Variants in SLC5A10 observed in about 807,000 individuals in gnomAD.
SLC5A10 encodes solute carrier family 5 member 10.
In SLC5A10, 55 loss-of-function variants were observed where a neutral mutation model predicts 68.9. That is an observed-to-expected ratio of 0.80 (90% CI 0.64 to 1.00). The LOEUF (loss-of-function observed/expected upper bound fraction) is 1.00, where lower values mean the gene tolerates loss of function less well. SLC5A10 is among the 50% of genes least tolerant of loss of function. SLC5A10 has a pLI of 0.00. For synonymous variants in SLC5A10, 344 were observed against 344.8 expected, an observed-to-expected ratio of 1.00 and a Z score of 0.02; for missense variants, 732 against 819.3, an observed-to-expected ratio of 0.89 and a Z score of 1.30.
At chr17:18,979,516 C>T (rs1324698241) in intron 9 of SLC5A10, 1 of 1,610,378 alleles carries the variant, frequency 6.2e-7, no homozygotes, top group Admixed American at 1.7e-5. Flanking sequence ...AGAGGTACCT[C>T]TCGCACAACT....
At chr17:18,957,497 C>T (rs1172699616) in intron 1 of SLC5A10, among the ~76,000 whole-genome samples, 3 of 152,132 alleles carry the variant, frequency 2.0e-5, no homozygotes, top group Admixed American at 6.6e-5. Flanking sequence ...TGAGACGGAG[C>T]CTTGCTCTGT....
intron 13 of SLC5A10, 94 bp downstream of exon 13, chr17:19,020,022 G>T: frequency 6.9e-7 from 1 of 1,445,640 alleles, no homozygotes. Context: ...GAATTTTCTA[G>T]CCCTGGACTA....
intron 9 of SLC5A10, among the ~76,000 whole-genome samples, chr17:19,008,914 C>T (rs1322351776): frequency 1.3e-5 from 2 of 151,290 alleles, no homozygotes; most frequent in Non-Finnish European, 2.9e-5. Context: ...CCAGGTTCAG[C>T]GATTCTCGTG....
chr17:18,958,090 A>G (rs764748133), intron 1 of SLC5A10, among the ~76,000 whole-genome samples: 4 of 152,098 alleles, frequency 2.6e-5, no homozygotes, highest in Non-Finnish European at 5.9e-5. Flanking sequence ...GTTTTTTTCC[A>G]GACAGGATTT....
Position 18,952,419 on chromosome 17 carries a change from A to C in SLC5A10, c.111+103A>C, listed in dbSNP as rs139214270. The C allele has an allele frequency of 8.7e-4, 1,219 of 1,397,012 alleles. 14 individuals are homozygous for C. The African/African-American group carries it at 0.015, about 17-fold the overall frequency. The allele number at this position is 1,397,012 out of a possible 1,614,324, so 86.5% of individuals were successfully genotyped here. ...TCCCTGTGGTGTCAGCATTGGTCCC[A>C]GCTGGTGGCCTAGTGATCCTTGTGG... On this transcript the variant is annotated intron_variant, in intron 1 of 14. Transcript: ENST00000395645.
chr17:18,994,510 C>T (rs758308559), intron 9 of SLC5A10, among the ~76,000 whole-genome samples: 12 of 152,092 alleles, frequency 7.9e-5, no homozygotes, highest in Non-Finnish European at 1.8e-4. Flanking sequence ...GAGCAGCACA[C>T]GAACGTGAGG....
chr17:18,971,727 T>C lies in SLC5A10; in HGVS notation c.846+509T>C, dbSNP rs1395938624. 3.2e-6 allele frequency: 5 copies of C among 1,575,762 alleles called. No individual in the cohort carries two copies. The South Asian group carries it at 3.5e-5, about 11-fold the overall frequency. On this transcript the variant is annotated intron_variant, in intron 8 of 14. Coordinates refer to ENST00000395645, the MANE Select transcript of SLC5A10 (RefSeq NM_001042450.4). The surrounding 1 kb of genome is among the most constrained non-coding windows in gnomAD (Gnocchi z 5.5). Reference sequence around the variant, plus strand: ...TCCCTAGTCCCTGAGGCAGGGACCCTGTGATGATGAAACTGCTGGCCCTGG... The same window carrying C: ...TCCCTAGTCCCTGAGGCAGGGACCCCGTGATGATGAAACTGCTGGCCCTGG...
Position 18,986,717 on chromosome 17 carries a change from C to T in SLC5A10, c.982+9728C>T, listed in dbSNP as rs142075645. On this transcript the variant is annotated intron_variant, in intron 9 of 14. Transcript: ENST00000395645. ...GGTTAGGGTCCCTGCTCCAAACCGA[C>T]AGGCTTGCTCCCTGCTTGCGTCTGC... 4.2e-3 allele frequency among the ~76,000 whole-genome samples: 638 copies of T among 152,380 alleles called. 5 individuals are homozygous for T. Among genetic ancestry groups the T allele is most frequent in the African/African-American group, 0.014 (588 of 41,590 alleles).
chr17:18,977,876 G>A lies in SLC5A10; in HGVS notation c.982+887G>A, dbSNP rs776514603. 6.5e-5 allele frequency: 104 copies of A among 1,610,916 alleles called. No homozygotes were observed. In the South Asian group the frequency reaches 1.1e-3, roughly 17 times the overall value. On this transcript the variant is annotated intron_variant, in intron 9 of 14. Transcript: ENST00000395645. The stretch of plus-strand genomic sequence containing the variant: ...GCCAGGGCCACGGCCGGAGCTGCCT[G>A]AGTGGCTGTCCTGGTCACTGAGGGT...
intron 1 of SLC5A10, among the ~76,000 whole-genome samples, chr17:18,954,304 T>C (rs569841076): frequency 6.6e-6 from 1 of 152,134 alleles, no homozygotes; most frequent in South Asian, 2.1e-4. Flanking sequence ...GGCTAGCACG[T>C]CTAAGAAAGA....
chr17:19,005,733 C>G (rs965430576), intron 9 of SLC5A10, among the ~76,000 whole-genome samples: 5 of 151,600 alleles, frequency 3.3e-5, no homozygotes, highest in Non-Finnish European at 7.4e-5. Flanking sequence ...AATGACTAGC[C>G]TCCTAGGCCC....
chr17:18,977,260 C>G, intron 9 of SLC5A10: 1 of 590,020 alleles, frequency 1.7e-6, no homozygotes, highest in Non-Finnish European at 3.0e-6. Context: ...CATCTGCAAA[C>G]TAGGGACTGT....
At chr17:18,994,803 T>C (rs1235469011) in intron 9 of SLC5A10, among the ~76,000 whole-genome samples, 1 of 152,224 alleles carries the variant, frequency 6.6e-6, no homozygotes, top group African/African-American at 2.4e-5. Flanking sequence ...ATATGTTCTC[T>C]GTCACAACTA....
chr17:19,002,118 C>CCCT (rs57993472), intron 9 of SLC5A10, among the ~76,000 whole-genome samples: 21,050 of 152,096 alleles, frequency 0.14, 1,537 homozygotes, highest in African/African-American at 0.18. Context: ...TTCCTCCTCC[C>CCCT]CCTCCTCCTC....
chr17:18,980,618 C>T (rs1276802720), intron 9 of SLC5A10, among the ~76,000 whole-genome samples: 3 of 152,164 alleles, frequency 2.0e-5, no homozygotes, highest in Non-Finnish European at 4.4e-5. Flanking sequence ...GCAGGACCTG[C>T]TGTGAGGGAG....
chr17:18,976,830 C>T (rs772217660), intron 8 of SLC5A10, 24 bp from the exon 9 acceptor site: 2 of 1,611,650 alleles, frequency 1.2e-6, no homozygotes, highest in African/African-American at 1.3e-5. Flanking sequence ...CTTGGACTCA[C>T]CCCGTCTCGC....
intron 9 of SLC5A10, among the ~76,000 whole-genome samples, chr17:19,002,823 A>G (rs2043765271): frequency 6.6e-6 from 1 of 152,170 alleles, no homozygotes; most frequent in Non-Finnish European, 1.5e-5. Context: ...ACAGGGGTGG[A>G]GAAGGGGAGG....
rs1171278133 is a variant in SLC5A10 at position 18,968,840 on chromosome 17, CCT to C, written c.454-211_454-210del. The C allele has an allele frequency of 5.2e-6, 3 of 575,156 alleles. No homozygotes were observed. The highest frequency in any genetic ancestry group is 9.3e-6 in the Non-Finnish European group (3 of 324,208). The allele number at this position is 575,156 out of a possible 1,614,324, so 35.6% of individuals were successfully genotyped here. A position where few individuals can be genotyped will look rare whatever the true frequency, so the allele number is the denominator to read the frequency against. Reference sequence around the variant, plus strand: ...GACTTTATTAGCAACAGTAATGTCCCCTGACATCCGCACAAGCTTGTAGCTCC... The same window carrying C: ...GACTTTATTAGCAACAGTAATGTCCCGACATCCGCACAAGCTTGTAGCTCC... On this transcript the variant is annotated intron_variant, in intron 5 of 14. Coordinates refer to ENST00000395645, the MANE Select transcript of SLC5A10 (RefSeq NM_001042450.4). The surrounding 1 kb of genome is among the most constrained non-coding windows in gnomAD (Gnocchi z 4.1).
intron 1 of SLC5A10, among the ~76,000 whole-genome samples, chr17:18,957,223 A>G (rs1425129678): frequency 1.3e-5 from 2 of 152,190 alleles, no homozygotes; most frequent in Non-Finnish European, 2.9e-5. Flanking sequence ...ACCAAGGCAT[A>G]CGCGTTCAGT....
Sources: allele counts gnomAD v4.1 joint callset (sites outside exome capture counted in the v4.1 genomes callset), GRCh38; gene constraint gnomAD v4.1.1; non-coding constraint Gnocchi (gnomAD v3.1); transcripts MANE v1.5; gene names NCBI Gene and HGNC (gene_info 2026-07-23, HGNC 2026-07-21).